The following HIVEP3 variants were observed in gnomAD, a reference collection of about 807,000 sequenced individuals.
HIVEP3 encodes the protein transcription factor HIVEP3.
HIVEP3 carries 49 observed loss-of-function variants against 152.8 expected under a neutral mutation model. The ratio of observed to expected loss-of-function variants is 0.32; its 90% CI spans 0.26 to 0.41. HIVEP3 has a LOEUF of 0.41. Among genes scored for constraint, HIVEP3 ranks in the 10% least tolerant of loss-of-function variants. The pLI is 1.00. For synonymous variants in HIVEP3, 1,269 were observed against 1,289.0 expected (o/e 0.98, Z 0.33); for missense variants, 2,790 against 3,103.3 (o/e 0.90, Z 2.40).
Position 41,511,467 on chromosome 1 carries a change from C to T in HIVEP3, c.6406-201G>A, listed in dbSNP as rs1385798848. ...TGCCATCTCTGGAATGGGCCATCTC[C>T]AGCTCGACAGTGACCATGAGTATGC... is the stretch of plus-strand genomic sequence containing the variant. On this transcript the variant is annotated intron_variant, in intron 8 of 8. Transcript: ENST00000372583. The surrounding 1 kb of genome is among the most constrained non-coding windows in gnomAD (Gnocchi z 4.9). 6.6e-6 allele frequency among the ~76,000 whole-genome samples: 1 copy of T among 152,180 alleles called. No homozygotes were observed. Among genetic ancestry groups the T allele is most frequent in the African/African-American group, 2.4e-5 (1 of 41,440 alleles).
intron 3 of HIVEP3, among the ~76,000 whole-genome samples, chr1:41,624,949 A>G (rs975269885): frequency 6.6e-6 from 1 of 152,158 alleles, no homozygotes; most frequent in Non-Finnish European, 1.5e-5. Context: ...ATGGATCACA[A>G]GGTCAGGAGT....
chr1:41,941,220 G>A (rs533820528), intron 1 of HIVEP3, among the ~76,000 whole-genome samples: 160 of 152,322 alleles, frequency 1.1e-3, no homozygotes, highest in Non-Finnish European at 9.3e-4. Flanking sequence ...GCAGTGGGTA[G>A]AGTAGGGCAA....
At chr1:41,669,635 C>T (rs747967910) in intron 2 of HIVEP3, among the ~76,000 whole-genome samples, 1 of 152,158 alleles carries the variant, frequency 6.6e-6, no homozygotes, top group Non-Finnish European at 1.5e-5. Context: ...CCTGCCTTTG[C>T]ACCAGAATGA....
At position 41,674,723 on chromosome 1, in the gene HIVEP3, C is replaced by T. The variant is rs1260284893; in HGVS notation, c.-721+26193G>A. ...CTCACGCTGAGATCACATCCAGCCG[C>T]CTTTCCACACAAGCACCTCTGAGGA... is the stretch of plus-strand genomic sequence containing the variant. On this transcript the variant is annotated intron_variant, in intron 2 of 8. Transcript: ENST00000372583. Among the ~76,000 whole-genome samples the T allele has an allele frequency of 3.9e-5, 6 of 152,200 alleles. No individual in the cohort carries two copies. The South Asian group carries it at 1.0e-3, about 26-fold the overall frequency.
chr1:42,028,830 A>G, intron 1 of HIVEP3, among the ~76,000 whole-genome samples: 1 of 152,206 alleles, frequency 6.6e-6, no homozygotes, highest in Non-Finnish European at 1.5e-5. Context: ...GACAGGTAAG[A>G]TAAATGGGTG....
intron 1 of HIVEP3, among the ~76,000 whole-genome samples, chr1:41,769,880 G>C (rs972468731): frequency 1.3e-5 from 2 of 152,220 alleles, no homozygotes; most frequent in Admixed American, 1.3e-4. Context: ...GAAAAATTGA[G>C]GAAAGTAGAA....
chr1:41,726,059 C>A (rs1263065496), intron 1 of HIVEP3, among the ~76,000 whole-genome samples: 2 of 152,194 alleles, frequency 1.3e-5, no homozygotes, highest in African/African-American at 2.4e-5. Context: ...AAAAGGAGGG[C>A]TGTTTCTATA....
chr1:41,605,878 AATTCCCC>A (rs1283799420), intron 3 of HIVEP3, among the ~76,000 whole-genome samples: 1 of 152,154 alleles, frequency 6.6e-6, no homozygotes, highest in Non-Finnish European at 1.5e-5. Context: ...TATTTAAATA[AATTCCCC>A]ATAAACATTT....
intron 2 of HIVEP3, among the ~76,000 whole-genome samples, chr1:41,654,745 G>A (rs6671999): frequency 0.55 from 84,001 of 151,936 alleles, 23,678 homozygotes; most frequent in East Asian, 0.9. Flanking sequence ...TTGTTTTCAA[G>A]AAATAGACAC....
At chr1:41,575,518 C>T (rs373839983) in intron 5 of HIVEP3, 26 bp downstream of exon 5, 35 of 1,610,788 alleles carry the variant, frequency 2.2e-5, no homozygotes, top group East Asian at 8.9e-5. Context: ...CGGAAGCAGA[C>T]GATGGAAACC....
In HIVEP3 at chr1:41,580,491, C is replaced by T; in HGVS notation, c.4307G>A (p.Gly1436Asp). ...GGSKRVLSPAGSLELTMETQQ... is the reference protein window; with the variant it reads ...GGSKRVLSPADSLELTMETQQ... ...GGTTTCCATGGTAAGTTCAAGGCTGCCAGCTGGTGAAAGGACACGTTTGCT... is the reference window on the plus strand; with the variant it reads ...GGTTTCCATGGTAAGTTCAAGGCTGTCAGCTGGTGAAAGGACACGTTTGCT... The change falls in exon 4 of 9, where the codon GGC (glycine) becomes GAC (aspartate). Residue 1436 changes from glycine to aspartate, a missense_variant. Coordinates refer to ENST00000372583, the MANE Select transcript of HIVEP3 (RefSeq NM_024503.5). The T allele has an allele frequency of 6.2e-7, 1 of 1,614,182 alleles. No individual in the cohort carries two copies. The highest frequency in any genetic ancestry group is 8.5e-7 in the Non-Finnish European group (1 of 1,180,040).
chr1:41,816,870 C>T (rs1362093033), intron 1 of HIVEP3, among the ~76,000 whole-genome samples: 1 of 152,188 alleles, frequency 6.6e-6, no homozygotes, highest in Non-Finnish European at 1.5e-5. Flanking sequence ...GCACTGTCCA[C>T]CTGGAAAACT....
intron 3 of HIVEP3, among the ~76,000 whole-genome samples, chr1:41,619,850 G>T (rs547705705): frequency 3.6e-4 from 55 of 152,268 alleles, no homozygotes; most frequent in Non-Finnish European, 6.5e-4. Context: ...TAGGAAATTC[G>T]CAGAGGTAGC....
intron 1 of HIVEP3, among the ~76,000 whole-genome samples, chr1:41,808,322 A>G (rs1650752760): frequency 6.6e-6 from 1 of 152,234 alleles, no homozygotes; most frequent in Non-Finnish European, 1.5e-5. Context: ...CAGAAGGTCC[A>G]GTTCATCCTC....
intron 1 of HIVEP3, 127 bp from the exon 2 acceptor site, chr1:41,701,122 C>A (rs1286936536): frequency 5.1e-5 from 10 of 196,182 alleles, no homozygotes; most frequent in Non-Finnish European, 8.3e-5. Flanking sequence ...GCCACTACCC[C>A]TTCTCTAACA....
intron 5 of HIVEP3, among the ~76,000 whole-genome samples, chr1:41,569,282 T>C (rs535024505): frequency 2.0e-5 from 3 of 152,136 alleles, no homozygotes; most frequent in Non-Finnish European, 4.4e-5. Flanking sequence ...ATAAAGCAAG[T>C]GTGGGTAATG....
At chr1:41,739,155 C>T (rs1027825241) in intron 1 of HIVEP3, among the ~76,000 whole-genome samples, 7 of 152,252 alleles carry the variant, frequency 4.6e-5, no homozygotes, top group African/African-American at 9.6e-5. Flanking sequence ...GAGCCCGCGC[C>T]GCCTCTGCCC....
At chr1:41,701,676 T>C (rs1195562620) in intron 1 of HIVEP3, among the ~76,000 whole-genome samples, 2 of 152,370 alleles carry the variant, frequency 1.3e-5, no homozygotes, top group East Asian at 3.9e-4. Context: ...TGTATACCTA[T>C]TATCTTCTCA....
chr1:41,648,347 A>C (rs1361626936), intron 2 of HIVEP3, among the ~76,000 whole-genome samples: 1 of 151,994 alleles, frequency 6.6e-6, no homozygotes, highest in African/African-American at 2.4e-5. Context: ...TTCATCCCTC[A>C]CCTCCACTCA....
Sources: gnomAD v4.1 joint callset for allele counts (sites outside exome capture counted in the v4.1 genomes callset) on GRCh38, gnomAD v4.1.1 for gene constraint, Gnocchi (gnomAD v3.1) non-coding constraint, MANE v1.5 for transcripts, NCBI Gene and HGNC (gene_info 2026-07-23, HGNC 2026-07-21) for gene names.